CAST: variants seen among roughly 807,000 people sequenced by gnomAD.
The protein encoded by CAST is calpastatin, also known as MIR583 host.
In CAST, 76 loss-of-function variants were observed where a neutral mutation model predicts 119.6. That is an observed-to-expected ratio of 0.64 (90% confidence interval 0.53 to 0.77). The LOEUF (loss-of-function observed/expected upper bound fraction) is 0.77. Among genes scored for constraint, CAST ranks in the 30% least tolerant of loss-of-function variants. CAST has a pLI of 0.00. For missense variants in CAST, 953 were observed against 946.5 expected, an observed-to-expected ratio of 1.01 and a Z score of -0.09; for synonymous variants, 319 against 331.6, an observed-to-expected ratio of 0.96 and a Z score of 0.41.
At chr5:96,232,502 A>G in the CAST span, among the ~76,000 whole-genome samples, 1 of 152,102 alleles carries the variant, frequency 6.6e-6, no homozygotes, top group Non-Finnish European at 1.5e-5. Context: ...ACCTAAGAAA[A>G]TCTATGGAGA....
the CAST span, among the ~76,000 whole-genome samples, chr5:96,514,447 GTGAATGAA>G: frequency 1.3e-5 from 2 of 152,110 alleles, no homozygotes; most frequent in African/African-American, 4.8e-5. Context: ...TTTCTAATAA[GTGAATGAA>G]TGAATGAATG....
At chr5:96,373,255 C>T in the CAST span, among the ~76,000 whole-genome samples, 1 of 152,146 alleles carries the variant, frequency 6.6e-6, no homozygotes, top group Admixed American at 6.5e-5. Flanking sequence ...ATCATTTCTA[C>T]TTGTGGGCTG....
chr5:96,576,434 T>C (rs1436527800), intron 1 of CAST, among the ~76,000 whole-genome samples: 2 of 152,116 alleles, frequency 1.3e-5, no homozygotes, highest in African/African-American at 2.4e-5. Context: ...AATCTCCTCC[T>C]TGGGGGTTCA....
chr5:95,987,615 A>G, the CAST span, among the ~76,000 whole-genome samples: 2 of 152,202 alleles, frequency 1.3e-5, no homozygotes, highest in Admixed American at 6.5e-5. Flanking sequence ...TGTAATATCC[A>G]GAATTTACTA....
chr5:96,028,517 T>A, the CAST span, among the ~76,000 whole-genome samples: 2 of 151,994 alleles, frequency 1.3e-5, no homozygotes, highest in African/African-American at 4.8e-5. Context: ...TTTATGGAGA[T>A]AATTTTGAAA....
chr5:96,168,178 G>A, the CAST span, among the ~76,000 whole-genome samples: 5 of 152,158 alleles, frequency 3.3e-5, no homozygotes, highest in Non-Finnish European at 7.4e-5. Flanking sequence ...GTGGCCAGAT[G>A]AGAAGGAGAA....
the CAST span, among the ~76,000 whole-genome samples, chr5:96,356,693 A>T: frequency 2.0e-5 from 3 of 152,092 alleles, no homozygotes; most frequent in South Asian, 2.1e-4. Flanking sequence ...TTGGTTATAT[A>T]TCTGTTTTGG....
chr5:96,207,609 G>T, the CAST span, among the ~76,000 whole-genome samples: 1 of 151,606 alleles, frequency 6.6e-6, no homozygotes, highest in Non-Finnish European at 1.5e-5. Context: ...ACATTAGTTT[G>T]TGTATGTTGC....
intron 1 of CAST, among the ~76,000 whole-genome samples, chr5:96,576,200 G>C (rs751784065): frequency 3.3e-5 from 5 of 151,970 alleles, no homozygotes; most frequent in Non-Finnish European, 7.4e-5. Context: ...GTCTGATTTT[G>C]GTATCGGGGC....
the CAST span, among the ~76,000 whole-genome samples, chr5:96,023,671 C>T: frequency 3.3e-5 from 5 of 151,738 alleles, no homozygotes; most frequent in South Asian, 4.2e-4. Context: ...TTATTCACTA[C>T]GTAAAAGCAT....
the CAST span, among the ~76,000 whole-genome samples, chr5:96,421,236 C>T: frequency 2.0e-5 from 3 of 152,204 alleles, no homozygotes; most frequent in Non-Finnish European, 4.4e-5. Flanking sequence ...CCTCTCTCAC[C>T]ATAATGTGGC....
chr5:96,425,386 A>T, the CAST span, among the ~76,000 whole-genome samples: 1 of 152,196 alleles, frequency 6.6e-6, no homozygotes, highest in Non-Finnish European at 1.5e-5. Flanking sequence ...TCTTTCAGAG[A>T]TTCTCATCTG....
At chr5:96,493,206 A>G in the CAST span, among the ~76,000 whole-genome samples, 2 of 152,314 alleles carry the variant, frequency 1.3e-5, no homozygotes, top group Admixed American at 1.3e-4. Flanking sequence ...AAAAATATCT[A>G]ACTCTGATCT....
chr5:96,175,392 T>C, the CAST span, among the ~76,000 whole-genome samples: 1 of 152,210 alleles, frequency 6.6e-6, no homozygotes, highest in African/African-American at 2.4e-5. Flanking sequence ...ATCGAGTATC[T>C]ACTGAATGCC....
chr5:96,042,212 G>C, the CAST span, among the ~76,000 whole-genome samples: 2 of 152,152 alleles, frequency 1.3e-5, no homozygotes, highest in Non-Finnish European at 2.9e-5. Context: ...GGACATTATA[G>C]AGCCCAGAAT....
intron 1 of CAST, among the ~76,000 whole-genome samples, chr5:96,539,473 G>A (rs1745876089): frequency 6.6e-6 from 1 of 152,090 alleles, no homozygotes; most frequent in Non-Finnish European, 1.5e-5. Context: ...TTCAACTCAT[G>A]TTTCTATGTC....
At chr5:96,112,901 G>A in the CAST span, among the ~76,000 whole-genome samples, 193 of 152,276 alleles carry the variant, frequency 1.3e-3, no homozygotes, top group Middle Eastern at 6.8e-3. Flanking sequence ...CCAGCATGGC[G>A]GGAGATGGAG....
intron 9 of CAST, among the ~76,000 whole-genome samples, chr5:96,734,878 A>T (rs1761303535): frequency 6.6e-6 from 1 of 152,218 alleles, no homozygotes; most frequent in African/African-American, 2.4e-5. Flanking sequence ...AGACAATTAA[A>T]ATACTGTTTT....
the CAST span, among the ~76,000 whole-genome samples, chr5:96,287,402 G>T: frequency 6.6e-6 from 1 of 152,048 alleles, no homozygotes; most frequent in African/African-American, 2.4e-5. Context: ...AATATCAAAA[G>T]CCCTCAATTT....
Sources: gnomAD v4.1 joint callset for allele counts (sites outside exome capture counted in the v4.1 genomes callset) on GRCh38, gnomAD v4.1.1 for gene constraint, MANE v1.5 for transcripts, NCBI Gene and HGNC (gene_info 2026-07-23, HGNC 2026-07-21) for gene names.